The following AJAP1 variants were observed in gnomAD, a reference collection of about 807,000 sequenced individuals.
AJAP1 encodes the protein adherens junctions associated protein 1, also known as adherens junction-associated protein 1.
In AJAP1, 5 loss-of-function variants were observed where a neutral mutation model predicts 35.0. The observed-to-expected ratio is 0.14, with a 90% CI of 0.07 to 0.30. The LOEUF (loss-of-function observed/expected upper bound fraction) is 0.30. AJAP1 is among the 10% of genes least tolerant of loss of function. AJAP1 has a pLI of 1.00. For synonymous variants in AJAP1, 284 were observed against 249.3 expected, an observed-to-expected ratio of 1.14 and a Z score of -1.31; for missense variants, 586 against 571.0, an observed-to-expected ratio of 1.03 and a Z score of -0.27.
rs573537768 is a variant in AJAP1 at position 4,737,801 on chromosome 1, C to T, written c.829+25102C>T. Among the ~76,000 whole-genome samples, 8 of 152,308 alleles carry T rather than the reference C, an allele frequency of 5.3e-5. No homozygotes were observed. In the East Asian group the frequency reaches 9.6e-4, roughly 18 times the overall value. Reference sequence around the variant, plus strand: ...CCTGTGGTCCCAGCTACTCGAGAGGCTGAGGCAGGTGGATCGCTTGAGCCC... The same window carrying T: ...CCTGTGGTCCCAGCTACTCGAGAGGTTGAGGCAGGTGGATCGCTTGAGCCC... On this transcript the variant is annotated intron_variant, in intron 2 of 5. Coordinates refer to ENST00000378191, the MANE Select transcript of AJAP1 (RefSeq NM_018836.4).
chr1:4,742,215 GC>G (rs145771561), intron 2 of AJAP1, among the ~76,000 whole-genome samples: 19,622 of 152,154 alleles, frequency 0.13, 1,425 homozygotes, highest in Middle Eastern at 0.2. Context: ...AGGCACCTCT[GC>G]CCCCTAGTGA....
chr1:4,684,802 C>T (rs1404431015), intron 1 of AJAP1, among the ~76,000 whole-genome samples: 9 of 152,124 alleles, frequency 5.9e-5, no homozygotes, highest in African/African-American at 9.7e-5. Flanking sequence ...CCGTTGATTC[C>T]ATTCAACTTG....
rs535991627 is a variant in AJAP1, at chr1:4,696,153, AG to A, written c.30-15740del. ...CTTGAGACGCAGGGGTTTTGGGTTG[AG>A]GGGGGGAGCAGGGAGGCTCCCTGGC... is the stretch of plus-strand genomic sequence containing the variant. On this transcript the variant is annotated intron_variant, in intron 1 of 5. Coordinates refer to ENST00000378191, the MANE Select transcript of AJAP1 (RefSeq NM_018836.4). Among the ~76,000 whole-genome samples, 314 of 151,208 alleles carry A rather than the reference AG, an allele frequency of 2.1e-3. 2 individuals carry two copies. Among genetic ancestry groups the A allele is most frequent in the Non-Finnish European group, 1.1e-3 (77 of 67,786 alleles).
At chr1:4,668,787 TGGA>T (rs1639191904) in intron 1 of AJAP1, among the ~76,000 whole-genome samples, 2 of 152,154 alleles carry the variant, frequency 1.3e-5, no homozygotes, top group Admixed American at 6.5e-5. Flanking sequence ...GCCCACGGGG[TGGA>T]GCCTTCACTG....
chr1:4,769,738 A>G lies in AJAP1; in HGVS notation c.830-115A>G, dbSNP rs115690328. 1.6e-4 allele frequency: 142 copies of G among 866,862 alleles called. No homozygotes were observed. The African/African-American group carries it at 2.2e-3, about 13-fold the overall frequency. The allele number at this position is 866,862 out of a possible 1,614,324, so 53.7% of individuals were successfully genotyped here. A position where few individuals can be genotyped will look rare whatever the true frequency, so the allele number is the denominator to read the frequency against. ...TGCTGCCCCGAGTTCCCCGCTGCGG[A>G]TGGGACCTGGCATCCCCAGCTGGGT... On this transcript the variant is annotated intron_variant, in intron 2 of 5. Transcript: ENST00000378191.
At chr1:4,668,343 C>CGT (rs150721144) in intron 1 of AJAP1, among the ~76,000 whole-genome samples, 7 of 149,652 alleles carry the variant, frequency 4.7e-5, no homozygotes, top group South Asian at 2.2e-4. Flanking sequence ...TGTGCGTGTG[C>CGT]GTGTGTGTGT....
At chr1:4,769,764 TG>T (rs1046979525) in intron 2 of AJAP1, 88 bp from the exon 3 acceptor site, 39 of 1,115,816 alleles carry the variant, frequency 3.5e-5, no homozygotes, top group Non-Finnish European at 4.9e-5. Context: ...CCAGCTGGGT[TG>T]GGGGGATGCA....
chr1:4,760,076 G>A (rs1641528898), intron 2 of AJAP1, among the ~76,000 whole-genome samples: 1 of 152,208 alleles, frequency 6.6e-6, no homozygotes, highest in Non-Finnish European at 1.5e-5. Flanking sequence ...CAGAAGTTCA[G>A]TGAAAGAAAT....
intron 1 of AJAP1, among the ~76,000 whole-genome samples, chr1:4,696,515 G>T (rs543207256): frequency 6.6e-6 from 1 of 152,314 alleles, no homozygotes; most frequent in Admixed American, 6.5e-5. Context: ...ACGGGCAGCC[G>T]CCAGGGCAGC....
intron 2 of AJAP1, among the ~76,000 whole-genome samples, chr1:4,764,165 C>T (rs919288524): frequency 6.6e-6 from 1 of 152,170 alleles, no homozygotes; most frequent in African/African-American, 2.4e-5. Flanking sequence ...TAAATCTCTT[C>T]TTATAGATCT....
chr1:4,671,291 C>T (rs1570094273), intron 1 of AJAP1, among the ~76,000 whole-genome samples: 3 of 151,932 alleles, frequency 2.0e-5, no homozygotes, highest in Admixed American at 2.0e-4. Flanking sequence ...ATTGTTTGGA[C>T]CTGGGAGGAG....
intron 1 of AJAP1, among the ~76,000 whole-genome samples, chr1:4,701,273 C>T (rs905988425): frequency 3.9e-5 from 6 of 152,222 alleles, no homozygotes; most frequent in East Asian, 1.9e-4. Flanking sequence ...TCTAGTCTCC[C>T]GCACACCCCT....
chr1:4,740,395 A>AGTGGGGGAGGGGGAGGGGGGGTGAGT (rs1553159527), intron 2 of AJAP1, among the ~76,000 whole-genome samples: 1 of 135,430 alleles, frequency 7.4e-6, no homozygotes, highest in African/African-American at 2.8e-5. Context: ...ATGGGGACAG[A>AGTGGGGGAGGGGGAGGGGGGGTGAGT]GTTTCAGTTT....
intron 1 of AJAP1, among the ~76,000 whole-genome samples, chr1:4,673,750 CTGGCTT>C (rs1246857585): frequency 6.6e-6 from 1 of 152,168 alleles, no homozygotes; most frequent in African/African-American, 2.4e-5. Flanking sequence ...GGCTCTGGCT[CTGGCTT>C]GGTCAATGAA....
intron 2 of AJAP1, among the ~76,000 whole-genome samples, chr1:4,726,778 G>A (rs995465962): frequency 2.0e-5 from 3 of 152,290 alleles, no homozygotes; most frequent in East Asian, 3.9e-4. Context: ...GCCGAGAGCC[G>A]GGGGCCTGCA....
intron 2 of AJAP1, among the ~76,000 whole-genome samples, chr1:4,755,670 T>A (rs892923591): frequency 3.9e-5 from 6 of 152,160 alleles, no homozygotes; most frequent in Non-Finnish European, 8.8e-5. Context: ...TAAGGAATGC[T>A]TTACTTGTAA....
chr1:4,785,430 T>C lies in AJAP1; in HGVS notation c.*2945T>C, dbSNP rs1004331547. 7 of 152,186 alleles carry C rather than the reference T, an allele frequency of 4.6e-5. No homozygotes were observed. The highest frequency in any genetic ancestry group is 1.4e-4 in the African/African-American group (6 of 41,432). 9.4% of individuals were successfully genotyped at this position (152,186 alleles called of 1,614,324 possible). A position where few individuals can be genotyped will look rare whatever the true frequency, so the allele number is the denominator to read the frequency against. Reference sequence around the variant, plus strand: ...CGTGTTACTTTACTTTTTTAAATGGTTACCTGCTCTCCCAGACCCCTCACC... The same window carrying C: ...CGTGTTACTTTACTTTTTTAAATGGCTACCTGCTCTCCCAGACCCCTCACC... On this transcript the variant is annotated 3_prime_UTR_variant, in exon 6 of 6. Coordinates refer to ENST00000378191, the MANE Select transcript of AJAP1 (RefSeq NM_018836.4).
Position 4,771,676 on chromosome 1 carries a change from C to T in AJAP1, c.918-604C>T, listed in dbSNP as rs192069170. On this transcript the variant is annotated intron_variant, in intron 3 of 5. Transcript: ENST00000378191. ...ACCCCTGTGGTTCAGAGGAACTAGA[C>T]CATAACAGGCAGGCACGCAGGACAC... 9.8e-5 allele frequency among the ~76,000 whole-genome samples: 15 copies of T among 152,296 alleles called. No individual in the cohort carries two copies. In the East Asian group the frequency reaches 2.5e-3, roughly 26 times the overall value.
chr1:4,683,784 G>A (rs943546672), intron 1 of AJAP1, among the ~76,000 whole-genome samples: 1 of 152,178 alleles, frequency 6.6e-6, no homozygotes, highest in African/African-American at 2.4e-5. Context: ...AGTACTGATG[G>A]GGCTCAGGGG....
Sources: gnomAD v4.1 joint callset for allele counts (sites outside exome capture counted in the v4.1 genomes callset) on GRCh38, gnomAD v4.1.1 for gene constraint, MANE v1.5 for transcripts, NCBI Gene and HGNC (gene_info 2026-07-23, HGNC 2026-07-21) for gene names.